NDUFA5: variants seen among roughly 807,000 people sequenced by gnomAD.
The protein encoded by NDUFA5 is NADH:ubiquinone oxidoreductase subunit A5.
Under a neutral mutation model 19.8 loss-of-function variants are expected in NDUFA5, and 11 were observed. That is an observed-to-expected ratio of 0.56 (90% CI 0.35 to 0.92). The LOEUF (loss-of-function observed/expected upper bound fraction) is 0.92, where lower values mean the gene tolerates loss of function less well. Ranked by LOEUF, NDUFA5 falls within the 40% of genes least tolerant of loss-of-function variation. The pLI is 0.01. For missense variants in NDUFA5, 109 were observed against 134.2 expected (o/e 0.81, Z 0.93); for synonymous variants, 47 against 46.8 (o/e 1.00, Z -0.01).
chr7:123,537,014 T>C lies in NDUFA5; in HGVS notation c.*5105A>G, dbSNP rs1797771629. On this transcript the variant is annotated 3_prime_UTR_variant, in exon 5 of 5. Coordinates refer to ENST00000355749, the MANE Select transcript of NDUFA5 (RefSeq NM_005000.5). ...AAATGTAGTTTGGTTACATAATAAA[T>C]TTATATTCAAACTTAATGAAAACAA... 6.6e-6 allele frequency: 1 copy of C among 152,178 alleles called. No individual in the cohort carries two copies. The highest frequency in any genetic ancestry group is 1.5e-5 in the Non-Finnish European group (1 of 68,018). 9.4% of individuals were successfully genotyped at this position (152,178 alleles called of 1,614,324 possible).
the NDUFA5 span, among the ~76,000 whole-genome samples, chr7:123,572,333 G>T: frequency 3.6e-4 from 55 of 151,206 alleles, no homozygotes; most frequent in African/African-American, 1.2e-3. Flanking sequence ...GTAGAGACAG[G>T]TTTCACCATG....
upstream of NDUFA5, among the ~76,000 whole-genome samples, chr7:123,561,208 T>C (rs925478266): frequency 6.6e-6 from 1 of 152,248 alleles, no homozygotes; most frequent in African/African-American, 2.4e-5. Context: ...CACTGTTTGA[T>C]AACACTTGTC....
chr7:123,569,529 C>T, the NDUFA5 span, among the ~76,000 whole-genome samples: 2 of 152,136 alleles, frequency 1.3e-5, no homozygotes, highest in Non-Finnish European at 2.9e-5. Context: ...ATGAGATTGA[C>T]TTAAGAGACC....
intron 3 of NDUFA5, among the ~76,000 whole-genome samples, chr7:123,548,487 T>A (rs1041990362): frequency 1.3e-5 from 2 of 152,086 alleles, no homozygotes; most frequent in African/African-American, 4.8e-5. Flanking sequence ...AAGTGATGAT[T>A]TATGAAGAAA....
chr7:123,589,466 C>T, the NDUFA5 span, among the ~76,000 whole-genome samples: 8 of 136,138 alleles, frequency 5.9e-5, no homozygotes, highest in Admixed American at 5.8e-4. Context: ...ACTATCCCTC[C>T]TCCAGCCCCC....
At chr7:123,589,498 G>A in the NDUFA5 span, among the ~76,000 whole-genome samples, 2 of 151,864 alleles carry the variant, frequency 1.3e-5, no homozygotes, top group Admixed American at 6.6e-5. Flanking sequence ...AGCCCCTGGT[G>A]TGTGATGTTC....
chr7:123,555,955 T>G (rs908399669), intron 2 of NDUFA5: 1 of 152,194 alleles, frequency 6.6e-6, no homozygotes, highest in African/African-American at 2.4e-5. Flanking sequence ...GTGACAAGCA[T>G]TGAGAGGCAG....
the NDUFA5 span, among the ~76,000 whole-genome samples, chr7:123,572,131 CTTTTTTTTTT>C: frequency 0.013 from 610 of 48,058 alleles, 8 homozygotes; most frequent in African/African-American, 0.051. Flanking sequence ...TGTAGAATTT[CTTTTTTTTTT>C]TTTTTTTTTT....
the NDUFA5 span, among the ~76,000 whole-genome samples, chr7:123,584,308 CAAAAA>C: frequency 1.3e-4 from 13 of 99,530 alleles, no homozygotes; most frequent in African/African-American, 3.5e-4. Flanking sequence ...AAGGCCTTGT[CAAAAA>C]AAAAAAAAAA....
chr7:123,589,045 T>A, the NDUFA5 span, among the ~76,000 whole-genome samples: 2 of 151,878 alleles, frequency 1.3e-5, no homozygotes, highest in African/African-American at 4.8e-5. Context: ...CTATGTAATG[T>A]TCTGCATATG....
chr7:123,589,132 AAGTAG>A, the NDUFA5 span, among the ~76,000 whole-genome samples: 1 of 151,786 alleles, frequency 6.6e-6, no homozygotes, highest in African/African-American at 2.4e-5. Context: ...TCATTGTTGA[AAGTAG>A]AGTATTGAAG....
chr7:123,573,528 GA>G, the NDUFA5 span, among the ~76,000 whole-genome samples: 28 of 152,014 alleles, frequency 1.8e-4, no homozygotes, highest in African/African-American at 6.0e-4. Flanking sequence ...GCTGATCTGT[GA>G]GGGCTTTCTC....
chr7:123,584,402 A>G, the NDUFA5 span, among the ~76,000 whole-genome samples: 1 of 151,822 alleles, frequency 6.6e-6, no homozygotes, highest in Non-Finnish European at 1.5e-5. Flanking sequence ...GCGGCTAGGC[A>G]TCAGTGTTTT....
At chr7:123,585,408 G>A in the NDUFA5 span, among the ~76,000 whole-genome samples, 1 of 151,734 alleles carries the variant, frequency 6.6e-6, no homozygotes, top group Non-Finnish European at 1.5e-5. Context: ...CACATTACAT[G>A]TAGGAATGCA....
upstream of NDUFA5, among the ~76,000 whole-genome samples, chr7:123,561,786 C>T (rs752171991): frequency 6.6e-6 from 1 of 151,842 alleles, no homozygotes; most frequent in South Asian, 2.1e-4. Context: ...TTAGTAGAGA[C>T]GGGGTTTCAC....
chr7:123,537,208 T>C lies in NDUFA5; in HGVS notation c.*4911A>G, dbSNP rs1797778506. On this transcript the variant is annotated 3_prime_UTR_variant, in exon 5 of 5. Transcript: ENST00000355749. Reference sequence around the variant, plus strand: ...CTTTATTCATCTCAGCATTTATTTATGTAATAAACATTTCTTTTGATGTGC... The same window carrying C: ...CTTTATTCATCTCAGCATTTATTTACGTAATAAACATTTCTTTTGATGTGC... 1 of 152,238 alleles carries C rather than the reference T, an allele frequency of 6.6e-6. No individual in the cohort carries two copies. The highest frequency in any genetic ancestry group is 1.5e-5 in the Non-Finnish European group (1 of 68,030). 9.4% of individuals were successfully genotyped at this position (152,238 alleles called of 1,614,324 possible).
chr7:123,586,836 T>G, the NDUFA5 span, among the ~76,000 whole-genome samples: 1 of 151,804 alleles, frequency 6.6e-6, no homozygotes, highest in African/African-American at 2.4e-5. Flanking sequence ...TTTTTGTGCC[T>G]TTGTCAAAGA....
intron 2 of NDUFA5, among the ~76,000 whole-genome samples, chr7:123,553,918 T>C (rs190944197): frequency 1.3e-5 from 2 of 152,332 alleles, no homozygotes; most frequent in African/African-American, 4.8e-5. Context: ...AAAGGTGGCA[T>C]CTAAGATAGA....
rs1272409535 is a variant in NDUFA5, at chr7:123,540,719, C to A, written c.*1400G>T. 2.6e-5 allele frequency: 4 copies of A among 152,176 alleles called. No homozygotes were observed. The highest frequency in any genetic ancestry group is 9.7e-5 in the African/African-American group (4 of 41,438). 9.4% of individuals were successfully genotyped at this position (152,176 alleles called of 1,614,324 possible). A position where few individuals can be genotyped will look rare whatever the true frequency, so the allele number is the denominator to read the frequency against. ...AGAAACCCTGGGCTTCTAACTCCCCCTCTAACACTTCCCCACCAGAAGGAG... is the reference window on the plus strand; with the variant it reads ...AGAAACCCTGGGCTTCTAACTCCCCATCTAACACTTCCCCACCAGAAGGAG... On this transcript the variant is annotated 3_prime_UTR_variant, in exon 5 of 5. Coordinates refer to ENST00000355749, the MANE Select transcript of NDUFA5 (RefSeq NM_005000.5).
Sources: allele counts gnomAD v4.1 joint callset (sites outside exome capture counted in the v4.1 genomes callset), GRCh38; gene constraint gnomAD v4.1.1; transcripts MANE v1.5; gene names NCBI Gene and HGNC (gene_info 2026-07-23, HGNC 2026-07-21).